The following RNF216 variants were observed in gnomAD, a reference collection of about 807,000 sequenced individuals.
RNF216 encodes ring finger protein 216.
In RNF216, 72 loss-of-function variants were observed where a neutral mutation model predicts 110.8. That is an observed-to-expected ratio of 0.65 (90% CI 0.54 to 0.79). The LOEUF (loss-of-function observed/expected upper bound fraction) is 0.79, where lower values mean the gene tolerates loss of function less well. RNF216 is among the 30% of genes least tolerant of loss of function. The pLI, the probability that RNF216 is intolerant of heterozygous loss-of-function variation, is 0.00. For synonymous variants in RNF216, 495 were observed against 407.5 expected, an observed-to-expected ratio of 1.21 and a Z score of -2.59; for missense variants, 1,342 against 1,141.2, an observed-to-expected ratio of 1.18 and a Z score of -2.54.
At chr7:5,646,086 C>G (rs1194439620) in intron 14 of RNF216, among the ~76,000 whole-genome samples, 1 of 152,140 alleles carries the variant, frequency 6.6e-6, no homozygotes. Flanking sequence ...ATGGGCCATA[C>G]TTTCCTGTTT....
intron 13 of RNF216, among the ~76,000 whole-genome samples, chr7:5,653,681 C>T (rs1193769130): frequency 6.6e-6 from 1 of 151,008 alleles, no homozygotes; most frequent in African/African-American, 2.4e-5. Flanking sequence ...AATTATAACC[C>T]TAATAGGTTA....
intron 14 of RNF216, among the ~76,000 whole-genome samples, chr7:5,648,776 A>G (rs1788207315): frequency 1.3e-5 from 2 of 152,034 alleles, no homozygotes. Context: ...GGACAGAAGA[A>G]CAAGTTAAAT....
rs1167509230 is a variant in RNF216, at chr7:5,620,171, T to C, written c.*2689A>G. ...ACTACCAGAAGGTAAAGAAAAAGTTTAATGAACTAATCGTTTCTTGTTTTT... is the reference window on the plus strand; with the variant it reads ...ACTACCAGAAGGTAAAGAAAAAGTTCAATGAACTAATCGTTTCTTGTTTTT... On this transcript the variant is annotated 3_prime_UTR_variant, in exon 17 of 17. Coordinates refer to ENST00000389902, the MANE Select transcript of RNF216 (RefSeq NM_207111.4). The C allele has an allele frequency of 6.6e-6, 1 of 152,298 alleles. No homozygotes were observed. The highest frequency in any genetic ancestry group is 1.5e-5 in the Non-Finnish European group (1 of 68,058). The allele number at this position is 152,298 out of a possible 1,614,324, so 9.4% of individuals were successfully genotyped here.
chr7:5,741,319 G>A lies in RNF216; in HGVS notation c.698C>T (p.Pro233Leu), dbSNP rs199640368. 3.7e-6 allele frequency: 6 copies of A among 1,613,918 alleles called. No homozygotes were observed. The highest frequency in any genetic ancestry group is 5.1e-6 in the Non-Finnish European group (6 of 1,179,908). The change falls in exon 4 of 17, where the codon CCT becomes CTT. Residue 233 changes from proline to leucine, a missense_variant. By Grantham distance (98) the Pro-to-Leu change is moderately conservative. Coordinates refer to ENST00000389902, the MANE Select transcript of RNF216 (RefSeq NM_207111.4). ...CTGTTGGTTCAGAGACTGGAAGTAA[G>A]GATGATCTAACCAGCAGTCTTCTTC... ...AIEEDCWLDH[P>L]YFQSLNQQPR...
At chr7:5,631,593 T>C (rs1014201825) in intron 15 of RNF216, among the ~76,000 whole-genome samples, 1 of 152,074 alleles carries the variant, frequency 6.6e-6, no homozygotes, top group Non-Finnish European at 1.5e-5. Context: ...TTGAATCCCA[T>C]GGGGGTCCCA....
At chr7:5,726,094 T>C (rs1793735428) in intron 7 of RNF216, among the ~76,000 whole-genome samples, 1 of 151,952 alleles carries the variant, frequency 6.6e-6, no homozygotes, top group South Asian at 2.1e-4. Context: ...CCGGGCAACA[T>C]GGGGACACCC....
At chr7:5,635,358 A>G (rs554159555) in intron 15 of RNF216, among the ~76,000 whole-genome samples, 1 of 151,646 alleles carries the variant, frequency 6.6e-6, no homozygotes, top group African/African-American at 2.4e-5. Context: ...CGCCAAAGCC[A>G]GCTGTGGAAG....
At chr7:5,771,743 G>A (rs1049829146) in intron 1 of RNF216, among the ~76,000 whole-genome samples, 9 of 152,140 alleles carry the variant, frequency 5.9e-5, no homozygotes, top group African/African-American at 1.9e-4. Context: ...GTTGCAGTAG[G>A]CTGTGATCCC....
intron 2 of RNF216, among the ~76,000 whole-genome samples, chr7:5,758,064 G>T (rs1040996716): frequency 6.6e-6 from 1 of 152,172 alleles, no homozygotes; most frequent in Admixed American, 6.6e-5. Flanking sequence ...TTCTCATGAT[G>T]GGTGCAGAGT....
At chr7:5,698,384 T>TATACACACAC (rs1554254095) in intron 13 of RNF216, among the ~76,000 whole-genome samples, 1 of 145,300 alleles carries the variant, frequency 6.9e-6, no homozygotes, top group Non-Finnish European at 1.5e-5. Context: ...GATTCTTTTA[T>TATACACACAC]ACACACACAC....
At chr7:5,734,857 T>TA (rs1385378546) in intron 5 of RNF216, among the ~76,000 whole-genome samples, 3 of 148,494 alleles carry the variant, frequency 2.0e-5, no homozygotes, top group Non-Finnish European at 4.5e-5. Flanking sequence ...AATAAATAAA[T>TA]AAATAAATAA....
At chr7:5,777,330 T>C (rs1796839974) in intron 1 of RNF216, among the ~76,000 whole-genome samples, 1 of 152,230 alleles carries the variant, frequency 6.6e-6, no homozygotes, top group South Asian at 2.1e-4. Flanking sequence ...TGGTTTGTTA[T>C]ACATCAACAG....
At chr7:5,724,962 C>G (rs1215584253) in intron 8 of RNF216, among the ~76,000 whole-genome samples, 1 of 152,194 alleles carries the variant, frequency 6.6e-6, no homozygotes, top group Non-Finnish European at 1.5e-5. Flanking sequence ...GCAGTAAGCC[C>G]TCATTCATAA....
At chr7:5,759,635 T>TCTTCTTC (rs1554264395) in intron 2 of RNF216, among the ~76,000 whole-genome samples, 105 of 120,198 alleles carry the variant, frequency 8.7e-4, no homozygotes, top group Non-Finnish European at 1.6e-3. Flanking sequence ...TTTTTCTTCT[T>TCTTCTTC]TTTTTTTTTT....
At chr7:5,781,368 G>A (rs1484497209) in intron 1 of RNF216, among the ~76,000 whole-genome samples, 173 bp downstream of exon 1, 1 of 151,810 alleles carries the variant, frequency 6.6e-6, no homozygotes, top group Non-Finnish European at 1.5e-5. Context: ...GCCCAGCCCA[G>A]CCCCTTGGCC....
intron 1 of RNF216, among the ~76,000 whole-genome samples, chr7:5,765,305 C>A (rs1417318015): frequency 6.6e-6 from 1 of 151,516 alleles, no homozygotes; most frequent in African/African-American, 2.4e-5. Context: ...ACTGAAAATA[C>A]AAAAATTAGC....
At chr7:5,699,229 A>C (rs1791817854) in intron 13 of RNF216, among the ~76,000 whole-genome samples, 1 of 152,186 alleles carries the variant, frequency 6.6e-6, no homozygotes, top group South Asian at 2.1e-4. Flanking sequence ...CCAGATTACA[A>C]ATCTTTTCAT....
intron 13 of RNF216, among the ~76,000 whole-genome samples, chr7:5,674,770 C>T (rs369357994): frequency 3.8e-4 from 58 of 152,170 alleles, no homozygotes; most frequent in Admixed American, 1.6e-3. Flanking sequence ...CCGAGGTTGG[C>T]AGATCACCTG....
At chr7:5,638,246 A>G (rs936543454) in intron 15 of RNF216, among the ~76,000 whole-genome samples, 2 of 152,118 alleles carry the variant, frequency 1.3e-5, no homozygotes, top group Non-Finnish European at 2.9e-5. Flanking sequence ...TATATATAGA[A>G]TTACTTTTTG....
Sources: allele counts gnomAD v4.1 joint callset (sites outside exome capture counted in the v4.1 genomes callset), GRCh38; gene constraint gnomAD v4.1.1; transcripts MANE v1.5; gene names NCBI Gene and HGNC (gene_info 2026-07-23, HGNC 2026-07-21).